The following TLN2 variants were observed in gnomAD, a reference collection of about 807,000 sequenced individuals.
The protein encoded by TLN2 is talin 2, also known as talin-2.
A neutral mutation model predicts 294.7 loss-of-function variants in TLN2; 118 were observed. The ratio of observed to expected loss-of-function variants is 0.40; its 90% confidence interval spans 0.34 to 0.47. The LOEUF (loss-of-function observed/expected upper bound fraction) is 0.47. Ranked by LOEUF, TLN2 falls within the 20% of genes least tolerant of loss-of-function variation. The pLI is 0.84. For synonymous variants in TLN2, 1,431 were observed against 1,304.5 expected, an observed-to-expected ratio of 1.10 and a Z score of -2.09; for missense variants, 3,083 against 3,282.2, an observed-to-expected ratio of 0.94 and a Z score of 1.48.
At chr15:62,635,136 G>A (rs7178020) in intron 3 of TLN2, among the ~76,000 whole-genome samples, 2 of 152,158 alleles carry the variant, frequency 1.3e-5, no homozygotes, top group African/African-American at 4.8e-5. Context: ...TTTAACTAAC[G>A]CATAAATCAA....
At chr15:62,640,326 G>A in intron 3 of TLN2, 1 of 456,258 alleles carries the variant, frequency 2.2e-6, no homozygotes. Context: ...ATTGGGCACA[G>A]AGGCCTTCCC....
chr15:62,802,407 A>C (rs564618787), intron 50 of TLN2, among the ~76,000 whole-genome samples: 1 of 106,892 alleles, frequency 9.4e-6, no homozygotes, highest in Non-Finnish European at 1.9e-5. Context: ...CACATATACA[A>C]TGGTACACAC....
chr15:62,639,243 A>G (rs983154334), intron 3 of TLN2, among the ~76,000 whole-genome samples: 2 of 151,794 alleles, frequency 1.3e-5, no homozygotes, highest in African/African-American at 2.4e-5. Flanking sequence ...CTATATCTAT[A>G]TCTATATCTA....
intron 1 of TLN2, among the ~76,000 whole-genome samples, chr15:62,436,508 A>G (rs1291703069): frequency 2.0e-5 from 3 of 152,078 alleles, no homozygotes; most frequent in African/African-American, 4.8e-5. Flanking sequence ...TCAGTGGAGG[A>G]GGAGGAAGAG....
chr15:62,477,898 A>G (rs969130003), intron 1 of TLN2, among the ~76,000 whole-genome samples: 7 of 8,740 alleles, frequency 8.0e-4, no homozygotes, highest in South Asian at 3.6e-3. Flanking sequence ...GGTGGGGGGG[A>G]TGGAGGGGGG....
At chr15:62,787,185 A>G (rs913578415) in intron 45 of TLN2, among the ~76,000 whole-genome samples, 17 of 152,284 alleles carry the variant, frequency 1.1e-4, no homozygotes, top group African/African-American at 3.9e-4. Flanking sequence ...GTGAGCCACC[A>G]TGCCCAGCCA....
At chr15:62,401,798 CT>C (rs1435028635) in intron 1 of TLN2, among the ~76,000 whole-genome samples, 3 of 152,092 alleles carry the variant, frequency 2.0e-5, no homozygotes, top group African/African-American at 7.2e-5. Flanking sequence ...TTGACCAACT[CT>C]CTTTCAGTTA....
At chr15:62,820,757 A>C (rs1229307830) in intron 54 of TLN2, 147 bp downstream of exon 54, 2 of 1,094,098 alleles carry the variant, frequency 1.8e-6, no homozygotes, top group African/African-American at 1.6e-5. Context: ...CCTGCCCGGC[A>C]CTGCTTTAGA....
chr15:62,724,239 C>G (rs550316076), intron 26 of TLN2, among the ~76,000 whole-genome samples: 3 of 152,246 alleles, frequency 2.0e-5, no homozygotes, highest in South Asian at 2.1e-4. Context: ...CTCTCTGTGC[C>G]TCAGTTTCCT....
At chr15:62,628,639 T>C (rs2049496656) in intron 3 of TLN2, among the ~76,000 whole-genome samples, 1 of 152,198 alleles carries the variant, frequency 6.6e-6, no homozygotes, top group South Asian at 2.1e-4. Flanking sequence ...CATTCCTGTG[T>C]ACAAAGCATG....
intron 50 of TLN2, among the ~76,000 whole-genome samples, chr15:62,801,895 G>T (rs1467574516): frequency 6.6e-6 from 1 of 152,178 alleles, no homozygotes; most frequent in African/African-American, 2.4e-5. Context: ...GGCATGCAAT[G>T]CATAATAATC....
intron 44 of TLN2, among the ~76,000 whole-genome samples, chr15:62,783,251 T>G (rs1316101581): frequency 1.3e-5 from 2 of 152,230 alleles, no homozygotes; most frequent in Non-Finnish European, 2.9e-5. Context: ...ATGGTTTTCT[T>G]AACAGCCCTG....
intron 1 of TLN2, among the ~76,000 whole-genome samples, chr15:62,490,796 G>T (rs993305677): frequency 2.6e-5 from 4 of 152,152 alleles, no homozygotes; most frequent in Non-Finnish European, 5.9e-5. Flanking sequence ...GCTAGTGCTA[G>T]AAATGCCAGA....
chr15:62,463,393 C>G (rs1001177678), intron 1 of TLN2, among the ~76,000 whole-genome samples: 17 of 152,186 alleles, frequency 1.1e-4, no homozygotes, highest in Non-Finnish European at 2.2e-4. Context: ...CTCTATTTCA[C>G]TTAGCTTGTA....
At chr15:62,587,319 A>G (rs1437790392) in intron 1 of TLN2, among the ~76,000 whole-genome samples, 1 of 152,254 alleles carries the variant, frequency 6.6e-6, no homozygotes, top group African/African-American at 2.4e-5. Context: ...TAGAAAAATA[A>G]TGATTGCTCA....
intron 1 of TLN2, among the ~76,000 whole-genome samples, chr15:62,430,267 T>C (rs1427854500): frequency 6.6e-6 from 1 of 152,198 alleles, no homozygotes; most frequent in Non-Finnish European, 1.5e-5. Context: ...AACAACTGTT[T>C]TGTGTCTTAA....
chr15:62,698,309 C>T (rs919374394), intron 15 of TLN2, among the ~76,000 whole-genome samples: 2 of 152,166 alleles, frequency 1.3e-5, no homozygotes, highest in Admixed American at 6.5e-5. Flanking sequence ...GAGAACTTTT[C>T]GAAAGCTCAG....
At chr15:62,702,542 T>G (rs1168529718) in intron 18 of TLN2, among the ~76,000 whole-genome samples, 1 of 152,216 alleles carries the variant, frequency 6.6e-6, no homozygotes, top group African/African-American at 2.4e-5. Flanking sequence ...GCTCACTAAT[T>G]GGCCATTTCA....
intron 1 of TLN2, among the ~76,000 whole-genome samples, chr15:62,559,919 C>A (rs946781038): frequency 1.3e-5 from 2 of 152,198 alleles, no homozygotes; most frequent in Non-Finnish European, 2.9e-5. Flanking sequence ...TTTGTGACTT[C>A]GTAATCTTCC....
Sources: gnomAD v4.1 joint callset for allele counts (sites outside exome capture counted in the v4.1 genomes callset) on GRCh38, gnomAD v4.1.1 for gene constraint, MANE v1.5 for transcripts, NCBI Gene and HGNC (gene_info 2026-07-23, HGNC 2026-07-21) for gene names.